TRPC6: variants seen among roughly 807,000 people sequenced by gnomAD.
TRPC6 encodes the protein short transient receptor potential channel 6.
A neutral mutation model predicts 90.7 loss-of-function variants in TRPC6; 55 were observed. That is an observed-to-expected ratio of 0.61 (90% CI 0.49 to 0.76). The LOEUF (loss-of-function observed/expected upper bound fraction) is 0.76. Among genes scored for constraint, TRPC6 ranks in the 30% least tolerant of loss-of-function variants. The pLI is 0.00. For synonymous variants in TRPC6, 393 were observed against 393.0 expected (o/e 1.00, Z 0.00); for missense variants, 989 against 1,122.7 (o/e 0.88, Z 1.70).
intron 10 of TRPC6, among the ~76,000 whole-genome samples, chr11:101,458,041 C>T (rs965753497): frequency 6.6e-6 from 1 of 152,126 alleles, no homozygotes; most frequent in South Asian, 2.1e-4. Flanking sequence ...GCCTAGCTGA[C>T]CTTAACCATA....
At chr11:101,457,322 A>G (rs1858907139) in intron 10 of TRPC6, among the ~76,000 whole-genome samples, 1 of 152,034 alleles carries the variant, frequency 6.6e-6, no homozygotes, top group Non-Finnish European at 1.5e-5. Context: ...TGCATTCTTT[A>G]TTCATTTTCT....
At chr11:101,539,866 G>A (rs1014830704) in intron 1 of TRPC6, among the ~76,000 whole-genome samples, 4 of 152,152 alleles carry the variant, frequency 2.6e-5, no homozygotes, top group African/African-American at 9.7e-5. Context: ...GAGTGTTTGT[G>A]AAAGGAAGCC....
chr11:101,518,607 T>C (rs1860576716), intron 1 of TRPC6, among the ~76,000 whole-genome samples: 1 of 152,112 alleles, frequency 6.6e-6, no homozygotes, highest in Non-Finnish European at 1.5e-5. Flanking sequence ...GAATGTAAAT[T>C]GGTACTATGA....
chr11:101,453,027 G>C lies in TRPC6; in HGVS notation c.2724C>G (p.Asp908Glu), dbSNP rs780180941. ...LLEEKSQNTE[D>E]LAELIRELGE... ...CAAGTTCTCTAATAAGTTCTGCTAG[G>C]TCTTCTGTATTCTGAGATTTTTCTT... The change falls in exon 13 of 13, where the codon GAC becomes GAG. Residue 908 changes from aspartate (D) to glutamate (E), a missense_variant. Physicochemically the swap from Asp to Glu is conservative, Grantham distance 45. Coordinates refer to ENST00000344327, the MANE Select transcript of TRPC6 (RefSeq NM_004621.6). The C allele has an allele frequency of 6.2e-7, 1 of 1,613,848 alleles. No homozygotes were observed. Among genetic ancestry groups the C allele is most frequent in the Non-Finnish European group, 8.5e-7 (1 of 1,179,846 alleles).
intron 1 of TRPC6, among the ~76,000 whole-genome samples, chr11:101,565,342 G>T (rs4754778): frequency 0.75 from 113,420 of 151,936 alleles, 42,680 homozygotes; most frequent in East Asian, 1. Context: ...ATAGCAAAAT[G>T]TTCATCCTTT....
At chr11:101,554,730 T>A (rs1320710944) in intron 1 of TRPC6, among the ~76,000 whole-genome samples, 1 of 152,200 alleles carries the variant, frequency 6.6e-6, no homozygotes, top group Admixed American at 6.5e-5. Context: ...ATCAACAAAA[T>A]TCTTTATTAA....
At chr11:101,578,625 A>G (rs1298354055) in intron 1 of TRPC6, among the ~76,000 whole-genome samples, 1 of 152,078 alleles carries the variant, frequency 6.6e-6, no homozygotes, top group East Asian at 1.9e-4. Flanking sequence ...TGTTTTTTTC[A>G]TGTGAGAGGA....
chr11:101,508,294 G>T (rs1860320011), intron 1 of TRPC6, among the ~76,000 whole-genome samples: 1 of 152,050 alleles, frequency 6.6e-6, no homozygotes, highest in Admixed American at 6.6e-5. Context: ...TCTTTTTAAA[G>T]AAATATTCCT....
intron 3 of TRPC6, 25 bp downstream of exon 3, chr11:101,491,531 A>T: frequency 6.2e-7 from 1 of 1,612,968 alleles, no homozygotes; most frequent in South Asian, 1.1e-5. Flanking sequence ...AAAATAATGT[A>T]AACGGGCTTC....
At chr11:101,518,662 A>G (rs933024345) in intron 1 of TRPC6, among the ~76,000 whole-genome samples, 2 of 152,238 alleles carry the variant, frequency 1.3e-5, no homozygotes, top group Admixed American at 1.3e-4. Context: ...TTGAGCTGCC[A>G]TATGATCCAG....
intron 1 of TRPC6, among the ~76,000 whole-genome samples, chr11:101,512,973 G>A (rs956041523): frequency 6.6e-6 from 1 of 152,194 alleles, no homozygotes; most frequent in South Asian, 2.1e-4. Flanking sequence ...GGAACTCTAG[G>A]AGTATGTGTG....
At chr11:101,509,159 C>T (rs1281029409) in intron 1 of TRPC6, among the ~76,000 whole-genome samples, 6 of 150,072 alleles carry the variant, frequency 4.0e-5, no homozygotes, top group African/African-American at 1.2e-4. Context: ...GACAGGATCT[C>T]GTTCTGTTGC....
chr11:101,548,347 AAT>A (rs1430883142), intron 1 of TRPC6, among the ~76,000 whole-genome samples: 6 of 104,468 alleles, frequency 5.7e-5, no homozygotes, highest in South Asian at 4.2e-4. Flanking sequence ...TACAATATAT[AAT>A]TATATAATTA....
intron 2 of TRPC6, 29 bp from the exon 3 acceptor site, chr11:101,491,767 A>G (rs1859819250): frequency 2.5e-6 from 4 of 1,601,766 alleles, no homozygotes; most frequent in African/African-American, 1.3e-5. Context: ...AACAAAAGCA[A>G]TAATGGAGAA....
intron 10 of TRPC6, among the ~76,000 whole-genome samples, chr11:101,466,760 A>AAAAC (rs564013807): frequency 6.6e-6 from 1 of 152,116 alleles, no homozygotes; most frequent in African/African-American, 2.4e-5. Flanking sequence ...GTATGGGGAA[A>AAAAC]AAACAAACAA....
Position 101,489,024 on chromosome 11 carries a change from T to C in TRPC6, c.1206A>G (p.Thr402=), listed in dbSNP as rs1276982485. 3.7e-6 allele frequency: 6 copies of C among 1,614,070 alleles called. No individual in the cohort carries two copies. Among genetic ancestry groups the C allele is most frequent in the African/African-American group, 1.3e-5 (1 of 74,932 alleles). ...GGACCACAAGGAACTTGACCGCCATTGTCTGCTGTCGTAAACCAGAAAGAT... is the reference window on the plus strand; with the variant it reads ...GGACCACAAGGAACTTGACCGCCATCGTCTGCTGTCGTAAACCAGAAAGAT... The part of the protein sequence containing the change: ...YENLSGLRQQ[T]MAVKFLVVLA... The change falls in exon 4 of 13, where the codon ACA becomes ACG. Residue 402 remains threonine (T), a synonymous_variant. Transcript: ENST00000344327.
intron 2 of TRPC6, among the ~76,000 whole-genome samples, chr11:101,503,726 G>A (rs868162130): frequency 6.6e-5 from 10 of 152,210 alleles, no homozygotes; most frequent in South Asian, 2.1e-4. Context: ...GGGCATTAGC[G>A]AAACTTTCTA....
chr11:101,494,995 T>C (rs556885379), intron 2 of TRPC6, among the ~76,000 whole-genome samples: 33 of 152,288 alleles, frequency 2.2e-4, no homozygotes, highest in African/African-American at 7.0e-4. Flanking sequence ...AAAATGTTGG[T>C]GGTAGCTCAT....
At chr11:101,539,055 G>T (rs4457714) in intron 1 of TRPC6, among the ~76,000 whole-genome samples, 79,961 of 152,048 alleles carry the variant, frequency 0.53, 22,629 homozygotes, top group Non-Finnish European at 0.63. Flanking sequence ...AGAAATACAC[G>T]TATGTTGTTT....
Sources: gnomAD v4.1 joint callset for allele counts (sites outside exome capture counted in the v4.1 genomes callset) on GRCh38, gnomAD v4.1.1 for gene constraint, MANE v1.5 for transcripts, NCBI Gene and HGNC (gene_info 2026-07-23, HGNC 2026-07-21) for gene names.